The following MYO3A variants were observed in gnomAD, a reference collection of about 807,000 sequenced individuals.
MYO3A encodes myosin-IIIa.
Under a neutral mutation model 192.7 loss-of-function variants are expected in MYO3A, and 180 were observed. That is an observed-to-expected ratio of 0.93 (90% confidence interval 0.83 to 1.06). MYO3A has a LOEUF of 1.06. Ranked by LOEUF, MYO3A falls within the 50% of genes least tolerant of loss-of-function variation. The pLI, the probability that MYO3A is intolerant of heterozygous loss-of-function variation, is 0.00. For synonymous variants in MYO3A, 628 were observed against 645.3 expected, an observed-to-expected ratio of 0.97 and a Z score of 0.41; for missense variants, 1,896 against 1,905.0, an observed-to-expected ratio of 1.00 and a Z score of 0.09.
chr10:26,140,715 G>GGGA (rs1435040756), intron 20 of MYO3A, among the ~76,000 whole-genome samples: 1 of 150,760 alleles, frequency 6.6e-6, no homozygotes, highest in Non-Finnish European at 1.5e-5. Flanking sequence ...AGAAAAACAA[G>GGGA]GGACAACTTT....
chr10:26,040,710 T>A (rs1301527301), intron 10 of MYO3A, among the ~76,000 whole-genome samples: 1 of 152,098 alleles, frequency 6.6e-6, no homozygotes, highest in Non-Finnish European at 1.5e-5. Context: ...TTTCCAAAAT[T>A]GCTATTGTTA....
At chr10:26,011,253 A>T (rs1382531174) in intron 6 of MYO3A, among the ~76,000 whole-genome samples, 6 of 151,976 alleles carry the variant, frequency 3.9e-5, no homozygotes, top group Non-Finnish European at 7.4e-5. Context: ...ACATGATGAA[A>T]CCCTGTCTCT....
chr10:26,031,982 T>G (rs1842820674), intron 10 of MYO3A, among the ~76,000 whole-genome samples: 1 of 152,236 alleles, frequency 6.6e-6, no homozygotes, highest in African/African-American at 2.4e-5. Flanking sequence ...ATTATTAACA[T>G]GTTAACATCT....
intron 14 of MYO3A, among the ~76,000 whole-genome samples, chr10:26,079,405 G>T (rs1197843726): frequency 6.6e-6 from 1 of 152,032 alleles, no homozygotes. Context: ...TGTTAGATGA[G>T]TCCCCTGAAT....
In MYO3A at chr10:26,147,427, C is replaced by T. The variant is rs1412373760; in HGVS notation, c.2506-3C>T. 2 of 1,610,820 alleles carry T rather than the reference C, an allele frequency of 1.2e-6. No individual in the cohort carries two copies. The highest frequency in any genetic ancestry group is 1.1e-5 in the South Asian group (1 of 90,994). Reference sequence around the variant, plus strand: ...TGATAATTATAGCATACTGTATCAACAGGTCCTCTATAATGCAAGTGGATT... The same window carrying T: ...TGATAATTATAGCATACTGTATCAATAGGTCCTCTATAATGCAAGTGGATT... On this transcript the variant is annotated splice_region_variant and splice_polypyrimidine_tract_variant and intron_variant, in intron 22 of 34. Transcript: ENST00000642920.
At chr10:26,165,149 A>T (rs1841677304) in intron 26 of MYO3A, among the ~76,000 whole-genome samples, 1 of 152,128 alleles carries the variant, frequency 6.6e-6, no homozygotes, top group Non-Finnish European at 1.5e-5. Context: ...TCATTTTTAG[A>T]TGAGGAAATT....
At position 26,061,575 on chromosome 10, in the gene MYO3A, T is replaced by C. The variant is rs181738730; in HGVS notation, c.954-5400T>C. ...CTGATGGAGAATAATGTTGGAAAGG[T>C]TGTTTAAGGCAAGATTGTGAAGGCC... On this transcript the variant is annotated intron_variant, in intron 10 of 34. Transcript: ENST00000642920. Among the ~76,000 whole-genome samples the C allele has an allele frequency of 6.6e-5, 10 of 152,210 alleles. No individual in the cohort carries two copies. In the East Asian group the frequency reaches 1.9e-3, roughly 29 times the overall value.
chr10:26,171,963 C>T (rs1298918873), intron 29 of MYO3A, among the ~76,000 whole-genome samples: 1 of 152,210 alleles, frequency 6.6e-6, no homozygotes, highest in Non-Finnish European at 1.5e-5. Context: ...TAAGAATCTA[C>T]TGCACACAAG....
At chr10:25,937,074 T>C (rs1658511632) in intron 2 of MYO3A, among the ~76,000 whole-genome samples, 1 of 148,670 alleles carries the variant, frequency 6.7e-6, no homozygotes, top group African/African-American at 2.5e-5. Context: ...GTCAGCTCAG[T>C]ACTTTAAAAT....
In MYO3A at chr10:26,136,239, T is replaced by C. The variant is rs556487426; in HGVS notation, c.2263-7209T>C. The stretch of plus-strand genomic sequence containing the variant: ...AAAAAGTGGACTAAACTTATAAAAA[T>C]AAGAGATACTGATTTATGACTTGAA... On this transcript the variant is annotated intron_variant, in intron 20 of 34. Coordinates refer to ENST00000642920, the MANE Select transcript of MYO3A (RefSeq NM_017433.5). Among the ~76,000 whole-genome samples, 9 of 152,246 alleles carry C rather than the reference T, an allele frequency of 5.9e-5. No homozygotes were observed. The South Asian group carries it at 1.9e-3, about 32-fold the overall frequency.
intron 4 of MYO3A, among the ~76,000 whole-genome samples, chr10:25,995,238 G>A (rs535028542): frequency 1.3e-4 from 19 of 151,248 alleles, no homozygotes; most frequent in East Asian, 3.9e-4. Context: ...TAAACTTTTC[G>A]CTTCATTTCA....
rs61731629 is a variant in MYO3A at position 26,173,672 on chromosome 10, C to A, written c.3408C>A (p.Phe1136Leu). 1 of 1,612,950 alleles carries A rather than the reference C, an allele frequency of 6.2e-7. No homozygotes were observed. Among genetic ancestry groups the A allele is most frequent in the East Asian group, 2.2e-5 (1 of 44,862 alleles). ...AATATATTTTACACAGGGAATCTTT[C>A]GTGAAGAAACAAGCAGAAAATGCAA... ...KKNFENTRES[F>L]VKKQAENAIS... Residue 1136 changes from phenylalanine (F) to leucine (L), a missense_variant, in exon 30 of 35, where the codon TTC becomes TTA. Transcript: ENST00000642920.
chr10:26,186,954 T>A (rs1360016130), intron 31 of MYO3A, among the ~76,000 whole-genome samples: 1 of 152,238 alleles, frequency 6.6e-6, no homozygotes, highest in Admixed American at 6.5e-5. Context: ...AGATTGTTCA[T>A]GAATTATCCC....
At chr10:26,202,675 T>C (rs1843728705) in intron 33 of MYO3A, 1 of 372,572 alleles carries the variant, frequency 2.7e-6, no homozygotes, top group Non-Finnish European at 5.0e-6. Context: ...AACACTGCAA[T>C]CACTGGCTAT....
intron 26 of MYO3A, among the ~76,000 whole-genome samples, chr10:26,158,257 T>TTA (rs200580444): frequency 0.013 from 1,881 of 145,432 alleles, 21 homozygotes; most frequent in Non-Finnish European, 0.018. Flanking sequence ...TTATTTTATT[T>TTA]TTTTTTTTTT....
intron 10 of MYO3A, among the ~76,000 whole-genome samples, chr10:26,059,462 C>T (rs576770808): frequency 2.6e-4 from 39 of 152,228 alleles, no homozygotes; most frequent in Admixed American, 2.5e-3. Flanking sequence ...TACTTTTTAG[C>T]CTATTGATGT....
chr10:26,069,934 T>A (rs529984314), intron 12 of MYO3A, among the ~76,000 whole-genome samples, 177 bp from the exon 13 acceptor site: 2 of 152,058 alleles, frequency 1.3e-5, no homozygotes, highest in Non-Finnish European at 2.9e-5. Flanking sequence ...TTTTACATAG[T>A]TATACATTTA....
rs773996675 is a variant in MYO3A, at chr10:26,212,003, A to G, written c.*40A>G. ...AGTCACCGCCGTCGGAAGGCGCTGG[A>G]GCCTGCGGGGCAGCAGGGGCCAAGC... On this transcript the variant is annotated 3_prime_UTR_variant, in exon 35 of 35. Coordinates refer to ENST00000642920, the MANE Select transcript of MYO3A (RefSeq NM_017433.5). 1 of 1,602,300 alleles carries G rather than the reference A, an allele frequency of 6.2e-7. No homozygotes were observed. The highest frequency in any genetic ancestry group is 8.5e-7 in the Non-Finnish European group (1 of 1,171,936).
At chr10:26,133,905 A>G (rs187282205) in intron 20 of MYO3A, among the ~76,000 whole-genome samples, 59 of 152,346 alleles carry the variant, frequency 3.9e-4, no homozygotes, top group African/African-American at 1.4e-3. Context: ...GTAAAGATTT[A>G]AACATGGCAG....
Sources: gnomAD v4.1 joint callset for allele counts (sites outside exome capture counted in the v4.1 genomes callset) on GRCh38, gnomAD v4.1.1 for gene constraint, MANE v1.5 for transcripts, NCBI Gene and HGNC (gene_info 2026-07-23, HGNC 2026-07-21) for gene names.